SUCLG2: variants seen among roughly 807,000 people sequenced by gnomAD.
SUCLG2 encodes succinate-CoA ligase GDP-forming subunit beta.
SUCLG2 carries 42 observed loss-of-function variants against 47.9 expected under a neutral mutation model. That is an observed-to-expected ratio of 0.88 (90% CI 0.69 to 1.14). SUCLG2 has a LOEUF of 1.14. Ranked by LOEUF, SUCLG2 falls within the 50% of genes most tolerant of loss-of-function variation. The pLI, the probability that SUCLG2 is intolerant of heterozygous loss-of-function variation, is 0.00. For synonymous variants in SUCLG2, 195 were observed against 197.3 expected, an observed-to-expected ratio of 0.99 and a Z score of 0.10; for missense variants, 571 against 525.9, an observed-to-expected ratio of 1.09 and a Z score of -0.84.
intron 9 of SUCLG2, among the ~76,000 whole-genome samples, chr3:67,410,971 A>G (rs918114804): frequency 1.3e-5 from 2 of 152,210 alleles, no homozygotes; most frequent in African/African-American, 2.4e-5. Context: ...TATTTTGTTC[A>G]ATCATCTCAG....
At chr3:67,466,952 C>A (rs748145999) in intron 9 of SUCLG2, among the ~76,000 whole-genome samples, 2 of 152,212 alleles carry the variant, frequency 1.3e-5, no homozygotes, top group African/African-American at 2.4e-5. Flanking sequence ...CTATCTTTCC[C>A]TGGAGGGGAA....
chr3:67,393,955 G>A (rs1702459836), intron 10 of SUCLG2, among the ~76,000 whole-genome samples: 1 of 152,176 alleles, frequency 6.6e-6, no homozygotes, highest in Non-Finnish European at 1.5e-5. Context: ...ACCTGCAGCT[G>A]AGGGTCCTGT....
chr3:67,503,968 C>G (rs972250567), intron 7 of SUCLG2, among the ~76,000 whole-genome samples: 1 of 152,084 alleles, frequency 6.6e-6, no homozygotes, highest in Non-Finnish European at 1.5e-5. Flanking sequence ...AAGAAGAATA[C>G]ATTTCAGAGG....
chr3:67,385,242 C>A (rs1485637281), intron 10 of SUCLG2, among the ~76,000 whole-genome samples: 1 of 152,184 alleles, frequency 6.6e-6, no homozygotes, highest in African/African-American at 2.4e-5. Flanking sequence ...AAAACCTCTC[C>A]TTATAAAAAT....
intron 9 of SUCLG2, among the ~76,000 whole-genome samples, chr3:67,459,771 G>A (rs1704280784): frequency 1.3e-5 from 2 of 152,116 alleles, no homozygotes; most frequent in South Asian, 2.1e-4. Context: ...GATAGGCCTG[G>A]GATGGTAGGA....
At chr3:67,564,355 C>T (rs1031650136) in intron 2 of SUCLG2, among the ~76,000 whole-genome samples, 2 of 151,578 alleles carry the variant, frequency 1.3e-5, no homozygotes, top group African/African-American at 4.9e-5. Context: ...TGATCTTTAC[C>T]TCACACTTTA....
intron 7 of SUCLG2, among the ~76,000 whole-genome samples, chr3:67,499,266 T>C (rs558925673): frequency 6.6e-6 from 1 of 152,324 alleles, no homozygotes; most frequent in East Asian, 1.9e-4. Flanking sequence ...CCAGCATACA[T>C]TACTAACTCT....
chr3:67,441,391 C>T (rs1703760456), intron 9 of SUCLG2, among the ~76,000 whole-genome samples: 1 of 151,712 alleles, frequency 6.6e-6, no homozygotes, highest in Non-Finnish European at 1.5e-5. Flanking sequence ...ACTGTGGCTT[C>T]AGTGTTGTGT....
At chr3:67,471,571 C>T (rs6802011) in intron 9 of SUCLG2, among the ~76,000 whole-genome samples, 7,387 of 152,134 alleles carry the variant, frequency 0.049, 473 homozygotes, top group African/African-American at 0.15. Flanking sequence ...TCTCCAGAAA[C>T]GGCTAAAACT....
At chr3:67,431,271 C>T (rs1703472436) in intron 9 of SUCLG2, among the ~76,000 whole-genome samples, 1 of 152,206 alleles carries the variant, frequency 6.6e-6, no homozygotes, top group African/African-American at 2.4e-5. Flanking sequence ...AAGTCAGCTT[C>T]ATCCCTGGGA....
At chr3:67,537,833 T>C (rs1301137639) in intron 2 of SUCLG2, among the ~76,000 whole-genome samples, 3 of 152,166 alleles carry the variant, frequency 2.0e-5, no homozygotes, top group East Asian at 1.9e-4. Context: ...GATGATAAGC[T>C]TTTTTTCATG....
At chr3:67,504,586 T>G (rs1320470263) in intron 7 of SUCLG2, among the ~76,000 whole-genome samples, 1 of 152,146 alleles carries the variant, frequency 6.6e-6, no homozygotes, top group African/African-American at 2.4e-5. Context: ...ATGGACAGAT[T>G]GGGTGAGGTC....
intron 6 of SUCLG2, among the ~76,000 whole-genome samples, chr3:67,511,963 A>G (rs1437953698): frequency 2.0e-5 from 3 of 150,502 alleles, no homozygotes; most frequent in Non-Finnish European, 2.9e-5. Flanking sequence ...TGATCCTCCC[A>G]CCTCAGCCTT....
intron 10 of SUCLG2, among the ~76,000 whole-genome samples, chr3:67,366,657 T>C (rs894820592): frequency 3.3e-5 from 5 of 152,298 alleles, no homozygotes; most frequent in African/African-American, 1.2e-4. Context: ...CAGAAGAACC[T>C]GAAGCTCACC....
At chr3:67,380,324 C>T (rs1471500929) in intron 10 of SUCLG2, among the ~76,000 whole-genome samples, 4 of 152,030 alleles carry the variant, frequency 2.6e-5, no homozygotes, top group Admixed American at 6.5e-5. Flanking sequence ...GCTTCAAGTG[C>T]CCCAGTCAAG....
chr3:67,607,492 T>C (rs77859902), intron 2 of SUCLG2, among the ~76,000 whole-genome samples: 80 of 152,302 alleles, frequency 5.3e-4, no homozygotes, highest in Non-Finnish European at 9.7e-4. Flanking sequence ...GCTCACATTA[T>C]ACTCCTACTA....
intron 2 of SUCLG2, among the ~76,000 whole-genome samples, chr3:67,556,948 A>C (rs1424975259): frequency 2.0e-5 from 3 of 152,230 alleles, no homozygotes; most frequent in Non-Finnish European, 4.4e-5. Context: ...AGTATGAGAT[A>C]ACATAAATCG....
intron 2 of SUCLG2, among the ~76,000 whole-genome samples, chr3:67,593,753 G>A (rs1708228820): frequency 1.3e-5 from 2 of 152,238 alleles, no homozygotes; most frequent in South Asian, 4.2e-4. Context: ...CCTCATTTTT[G>A]AGCAATCAAG....
At chr3:67,403,677 G>A (rs1702740149) in intron 9 of SUCLG2, among the ~76,000 whole-genome samples, 2 of 152,100 alleles carry the variant, frequency 1.3e-5, no homozygotes, top group African/African-American at 4.8e-5. Flanking sequence ...TGGAATAGGT[G>A]AGGTTCTAGT....
Sources: gnomAD v4.1 joint callset for allele counts (sites outside exome capture counted in the v4.1 genomes callset) on GRCh38, gnomAD v4.1.1 for gene constraint, MANE v1.5 for transcripts, NCBI Gene and HGNC (gene_info 2026-07-23, HGNC 2026-07-21) for gene names.